The following TBL1XR1 variants were observed in gnomAD, a reference collection of about 807,000 sequenced individuals.
TBL1XR1 encodes TBL1X/Y related 1.
TBL1XR1 carries 5 observed loss-of-function variants against 66.9 expected under a neutral mutation model. The ratio of observed to expected loss-of-function variants is 0.07; its 90% CI spans 0.04 to 0.16. TBL1XR1 has a LOEUF of 0.16. Ranked by LOEUF, TBL1XR1 falls within the 10% of genes least tolerant of loss-of-function variation. The pLI is 1.00. For missense variants in TBL1XR1, 238 were observed against 623.2 expected, an observed-to-expected ratio of 0.38 and a Z score of 6.58; for synonymous variants, 210 against 206.0, an observed-to-expected ratio of 1.02 and a Z score of -0.17.
At chr3:177,173,614 G>C (rs552355736) in intron 1 of TBL1XR1, among the ~76,000 whole-genome samples, 11 of 152,258 alleles carry the variant, frequency 7.2e-5, no homozygotes, top group African/African-American at 2.6e-4. Context: ...ACAGGTCAGA[G>C]GAGACTAAGG....
intron 14 of TBL1XR1, among the ~76,000 whole-genome samples, chr3:177,029,665 C>A (rs921902616): frequency 6.6e-6 from 1 of 151,996 alleles, no homozygotes; most frequent in African/African-American, 2.4e-5. Context: ...AAAACTTCTA[C>A]GTGATAAACA....
At chr3:177,137,298 C>A (rs893772901) in intron 1 of TBL1XR1, among the ~76,000 whole-genome samples, 1 of 152,080 alleles carries the variant, frequency 6.6e-6, no homozygotes, top group East Asian at 1.9e-4. Context: ...TCGAGACCAG[C>A]CTGGGCAACA....
chr3:177,117,608 TGTGCTCTATAAATTCTA>T (rs1726458011), intron 1 of TBL1XR1, among the ~76,000 whole-genome samples: 1 of 152,200 alleles, frequency 6.6e-6, no homozygotes, highest in East Asian at 1.9e-4. Flanking sequence ...GGAAATCTAA[TGTGCTCTATAAATTCTA>T]TTAATATGCA....
At chr3:177,034,467 A>G (rs1459637607) in intron 12 of TBL1XR1, 142 bp from the exon 13 acceptor site, 2 of 528,614 alleles carry the variant, frequency 3.8e-6, no homozygotes, top group Non-Finnish European at 5.9e-6. Flanking sequence ...ATTTACAAAG[A>G]AACTGAAATG....
At chr3:177,165,127 G>A (rs1210788229) in intron 1 of TBL1XR1, among the ~76,000 whole-genome samples, 1 of 152,074 alleles carries the variant, frequency 6.6e-6, no homozygotes, top group Non-Finnish European at 1.5e-5. Flanking sequence ...GTTCACAGAT[G>A]ACATGATTGT....
intron 1 of TBL1XR1, among the ~76,000 whole-genome samples, chr3:177,141,846 T>C (rs904285049): frequency 6.6e-6 from 1 of 152,156 alleles, no homozygotes; most frequent in Non-Finnish European, 1.5e-5. Flanking sequence ...ATGGTCTATA[T>C]ATACAGTGAA....
chr3:177,091,022 A>AG lies in TBL1XR1; in HGVS notation c.-46+7443dup, dbSNP rs199707530. 8.4e-3 allele frequency: 1,255 copies of AG among 150,282 alleles called. 8 individuals carry two copies. Among genetic ancestry groups the AG allele is most frequent in the Middle Eastern group, 0.019 (6 of 308 alleles). The allele number at this position is 150,282 out of a possible 1,614,324, so 9.3% of individuals were successfully genotyped here. A position where few individuals can be genotyped will look rare whatever the true frequency, so the allele number is the denominator to read the frequency against. ...AAAGAAAGAAAAAGAAAAGAGGGAGAGGGGAAGGGAAGAAGAAAAGGGAAA... is the reference window on the plus strand; with the variant it reads ...AAAGAAAGAAAAAGAAAAGAGGGAGAGGGGGAAGGGAAGAAGAAAAGGGAAA... On this transcript the variant is annotated intron_variant, in intron 2 of 15. Coordinates refer to ENST00000457928, the MANE Select transcript of TBL1XR1 (RefSeq NM_024665.7).
At chr3:177,044,254 T>C (rs1716009980) in intron 10 of TBL1XR1, among the ~76,000 whole-genome samples, 1 of 152,188 alleles carries the variant, frequency 6.6e-6, no homozygotes, top group Non-Finnish European at 1.5e-5. Flanking sequence ...GAACATATGA[T>C]ATGGTTAATC....
chr3:177,026,342 A>AC, intron 15 of TBL1XR1, 31 bp downstream of exon 15: 1 of 1,560,382 alleles, frequency 6.4e-7, no homozygotes, highest in Non-Finnish European at 8.8e-7. Flanking sequence ...ACCCACCCAC[A>AC]CCCTCTTTGG....
chr3:177,116,951 T>C (rs1406100451), intron 1 of TBL1XR1, among the ~76,000 whole-genome samples: 1 of 152,202 alleles, frequency 6.6e-6, no homozygotes, highest in East Asian at 1.9e-4. Flanking sequence ...AGTCTGAAAG[T>C]CCAGAATGCT....
chr3:177,038,122 G>C lies in TBL1XR1; in HGVS notation c.1098C>G (p.Ser366=). The stretch of plus-strand genomic sequence containing the variant: ...CCTTTAAAGTCATGTCGTCAGAACA[G>C]GAGGCCAAGAGATTGCCAGTTGGGT... ...KWDPTGNLLA[S]CSDDMTLKIW... is the part of the protein sequence containing the mutation. Residue 366 remains serine, a synonymous_variant, in exon 12 of 16, where the codon TCC becomes TCG. Coordinates refer to ENST00000457928, the MANE Select transcript of TBL1XR1 (RefSeq NM_024665.7). 1.2e-6 allele frequency: 2 copies of C among 1,612,768 alleles called. No homozygotes were observed. Among genetic ancestry groups the C allele is most frequent in the Non-Finnish European group, 1.7e-6 (2 of 1,179,792 alleles).
At position 177,104,264 on chromosome 3, in the gene TBL1XR1, TAAGA is replaced by T. The variant is rs1356587062; in HGVS notation, c.-121-5727_-121-5724del. Among the ~76,000 whole-genome samples the T allele has an allele frequency of 1.8e-4, 27 of 152,234 alleles. No individual in the cohort carries two copies. In the Middle Eastern group the frequency reaches 0.014, roughly 77 times the overall value. ...CTTAGCACATGATTGAAAGCACAATTAAGAAAGAAACAAAAACAGTATTACCTCC... is the reference window on the plus strand; with the variant it reads ...CTTAGCACATGATTGAAAGCACAATTAAGAAACAAAAACAGTATTACCTCC... On this transcript the variant is annotated intron_variant, in intron 1 of 15. Transcript: ENST00000457928.
At chr3:177,195,177 T>C (rs1300147570) in intron 1 of TBL1XR1, among the ~76,000 whole-genome samples, 1 of 151,874 alleles carries the variant, frequency 6.6e-6, no homozygotes, top group Admixed American at 6.6e-5. Flanking sequence ...TACATACATC[T>C]CAGTGCAGGA....
intron 1 of TBL1XR1, among the ~76,000 whole-genome samples, chr3:177,128,950 C>T (rs1031844295): frequency 6.6e-6 from 1 of 152,122 alleles, no homozygotes; most frequent in African/African-American, 2.4e-5. Flanking sequence ...CAGATTCTCG[C>T]AACACTCTCC....
chr3:177,118,121 T>C lies in TBL1XR1; in HGVS notation c.-121-19580A>G, dbSNP rs148433073. On this transcript the variant is annotated intron_variant, in intron 1 of 15. Transcript: ENST00000457928. The stretch of plus-strand genomic sequence containing the variant: ...CAGCCAGAGACTCAGGACATATTAG[T>C]AGAAAGCTCAAGCAATGACTACCCA... 3.3e-4 allele frequency among the ~76,000 whole-genome samples: 50 copies of C among 152,330 alleles called. No individual in the cohort carries two copies. The East Asian group carries it at 9.4e-3, about 29-fold the overall frequency.
chr3:177,162,216 C>T (rs140008644), intron 1 of TBL1XR1, among the ~76,000 whole-genome samples: 1 of 152,294 alleles, frequency 6.6e-6, no homozygotes, highest in African/African-American at 2.4e-5. Context: ...AGTAGTATTA[C>T]ACTTATGCGT....
At chr3:177,114,990 A>T (rs540109579) in intron 1 of TBL1XR1, among the ~76,000 whole-genome samples, 132 of 150,462 alleles carry the variant, frequency 8.8e-4, no homozygotes, top group African/African-American at 1.7e-3. Flanking sequence ...TTGGGGAAAA[A>T]AATAATAATA....
intron 3 of TBL1XR1, among the ~76,000 whole-genome samples, chr3:177,054,590 A>G (rs1474750653): frequency 2.0e-5 from 3 of 152,346 alleles, no homozygotes; most frequent in Non-Finnish European, 2.9e-5. Context: ...ATTGTCAAAC[A>G]TCTGATAAAT....
chr3:177,116,326 T>A (rs572126800), intron 1 of TBL1XR1, among the ~76,000 whole-genome samples: 2 of 152,242 alleles, frequency 1.3e-5, no homozygotes, highest in East Asian at 3.9e-4. Context: ...ACCCAACTTG[T>A]CACCCAAACT....
Sources: allele counts gnomAD v4.1 joint callset (sites outside exome capture counted in the v4.1 genomes callset), GRCh38; gene constraint gnomAD v4.1.1; transcripts MANE v1.5; gene names NCBI Gene and HGNC (gene_info 2026-07-23, HGNC 2026-07-21).